Variants in CRACD observed in about 807,000 individuals in gnomAD.
The protein encoded by CRACD is capping protein-inhibiting regulator of actin dynamics.
A neutral mutation model predicts 106.8 loss-of-function variants in CRACD; 56 were observed. The ratio of observed to expected loss-of-function variants is 0.52; its 90% confidence interval spans 0.42 to 0.66. The LOEUF is 0.66. CRACD is among the 30% of genes least tolerant of loss of function. CRACD has a pLI of 0.00. For synonymous variants in CRACD, 754 were observed against 670.8 expected, an observed-to-expected ratio of 1.12 and a Z score of -1.92; for missense variants, 1,730 against 1,623.2, an observed-to-expected ratio of 1.07 and a Z score of -1.13.
rs192610979 is a variant in CRACD at position 56,226,430 on chromosome 4, G to A, written c.-188-45891G>A. 1.6e-3 allele frequency among the ~76,000 whole-genome samples: 238 copies of A among 152,212 alleles called. 6 individuals are homozygous for A. The highest frequency in any genetic ancestry group is 0.012 in the Admixed American group (179 of 15,276). On this transcript the variant is annotated intron_variant, in intron 2 of 10. Coordinates refer to ENST00000682029, the MANE Select transcript of CRACD (RefSeq NM_001393381.1). ...AAGAACTATGAAGTGAGTTTTCTTG[G>A]CCCTTTTGCGTTGGCTCAATTAACC... is the stretch of plus-strand genomic sequence containing the variant.
intron 1 of CRACD, among the ~76,000 whole-genome samples, chr4:56,053,804 A>G (rs1176478570): frequency 2.8e-4 from 43 of 151,498 alleles, no homozygotes; most frequent in Admixed American, 2.8e-3. Flanking sequence ...TATGTTAGAC[A>G]AAGAACAGTA....
chr4:56,298,484 T>G, intron 4 of CRACD, 135 bp downstream of exon 4: 1 of 1,051,452 alleles, frequency 9.5e-7, no homozygotes, highest in Non-Finnish European at 1.4e-6. Flanking sequence ...AATTATTGCT[T>G]TCTTGAATTC....
intron 3 of CRACD, among the ~76,000 whole-genome samples, chr4:56,274,261 G>A (rs920307526): frequency 1.3e-5 from 2 of 152,188 alleles, no homozygotes; most frequent in Non-Finnish European, 2.9e-5. Flanking sequence ...AAATAAGAGC[G>A]TGAACTTTTT....
intron 2 of CRACD, among the ~76,000 whole-genome samples, chr4:56,225,729 A>G (rs1739265982): frequency 6.6e-6 from 1 of 152,228 alleles, no homozygotes; most frequent in Admixed American, 6.5e-5. Context: ...TGTGAAAGTG[A>G]GACAGGAATG....
chr4:56,212,744 C>T (rs539097182), intron 2 of CRACD, among the ~76,000 whole-genome samples: 1 of 152,282 alleles, frequency 6.6e-6, no homozygotes, highest in Admixed American at 6.5e-5. Flanking sequence ...ACAAAAATAC[C>T]TGCAGATTTC....
intron 1 of CRACD, among the ~76,000 whole-genome samples, chr4:56,084,605 C>T (rs890740213): frequency 2.5e-4 from 38 of 152,256 alleles, no homozygotes; most frequent in African/African-American, 8.9e-4. Context: ...CAAGACAGAA[C>T]AAGGCCGTGG....
chr4:56,176,823 G>A (rs1736603901), intron 1 of CRACD, among the ~76,000 whole-genome samples: 3 of 152,014 alleles, frequency 2.0e-5, no homozygotes, highest in Admixed American at 6.6e-5. Flanking sequence ...CTTTTTGTAG[G>A]TTTTGTAAAT....
intron 1 of CRACD, among the ~76,000 whole-genome samples, chr4:56,119,329 C>CT (rs11295008): frequency 5.0e-4 from 74 of 146,734 alleles, no homozygotes; most frequent in African/African-American, 1.2e-3. Context: ...TATTCTCAGT[C>CT]TTTTTTTTTT....
At chr4:56,292,692 T>C (rs1743769903) in intron 3 of CRACD, among the ~76,000 whole-genome samples, 2 of 152,162 alleles carry the variant, frequency 1.3e-5, no homozygotes, top group Non-Finnish European at 2.9e-5. Flanking sequence ...GCCCAGCTAA[T>C]TTTTTGTATT....
intron 3 of CRACD, among the ~76,000 whole-genome samples, chr4:56,293,557 T>G (rs1560521960): frequency 6.6e-6 from 1 of 152,218 alleles, no homozygotes. Flanking sequence ...TGATCCTGCA[T>G]GCTGTACAGG....
intron 1 of CRACD, among the ~76,000 whole-genome samples, chr4:56,123,223 GAGTGGATT>G (rs1280272796): frequency 6.6e-6 from 1 of 152,214 alleles, no homozygotes; most frequent in Non-Finnish European, 1.5e-5. Flanking sequence ...TCTGCTGAGG[GAGTGGATT>G]AGTTGGCTTA....
intron 1 of CRACD, among the ~76,000 whole-genome samples, chr4:56,145,598 A>G (rs1349696807): frequency 6.6e-6 from 1 of 151,702 alleles, no homozygotes. Context: ...TTTTATTTTC[A>G]TATATTATTT....
chr4:56,083,992 G>A (rs1733128489), intron 1 of CRACD, among the ~76,000 whole-genome samples: 4 of 152,046 alleles, frequency 2.6e-5, no homozygotes, highest in Admixed American at 2.6e-4. Context: ...ATATATGTAT[G>A]TATTTACTAG....
At chr4:56,214,673 C>CTATATA (rs1259862155) in intron 2 of CRACD, among the ~76,000 whole-genome samples, 7 of 73,000 alleles carry the variant, frequency 9.6e-5, no homozygotes, top group African/African-American at 3.4e-4. Context: ...CTCTCTCTCT[C>CTATATA]TCTCTCTCTA....
At chr4:56,126,596 A>T (rs937219657) in intron 1 of CRACD, among the ~76,000 whole-genome samples, 1 of 152,162 alleles carries the variant, frequency 6.6e-6, no homozygotes, top group Non-Finnish European at 1.5e-5. Context: ...ATATCTTTGT[A>T]CTTTGAAATT....
intron 1 of CRACD, among the ~76,000 whole-genome samples, chr4:56,156,621 T>C (rs1735771650): frequency 6.6e-6 from 1 of 152,214 alleles, no homozygotes; most frequent in African/African-American, 2.4e-5. Flanking sequence ...AGCCTTTCTG[T>C]CCTCCTCTCT....
intron 1 of CRACD, among the ~76,000 whole-genome samples, chr4:56,130,752 T>A (rs1258164264): frequency 6.6e-6 from 1 of 152,168 alleles, no homozygotes; most frequent in Non-Finnish European, 1.5e-5. Context: ...CAAAATTGGC[T>A]TTCTGCCAAC....
At chr4:56,138,514 G>C (rs983597131) in intron 1 of CRACD, among the ~76,000 whole-genome samples, 14 of 152,022 alleles carry the variant, frequency 9.2e-5, no homozygotes, top group African/African-American at 2.4e-4. Flanking sequence ...CACAGCAGCA[G>C]AAAGAGACCA....
intron 8 of CRACD, among the ~76,000 whole-genome samples, chr4:56,322,542 C>T (rs956406199): frequency 1.3e-5 from 2 of 152,206 alleles, no homozygotes; most frequent in Non-Finnish European, 2.9e-5. Context: ...GGGCATGGCA[C>T]TTGGTGGCTG....
Sources: allele counts gnomAD v4.1 joint callset (sites outside exome capture counted in the v4.1 genomes callset), GRCh38; gene constraint gnomAD v4.1.1; transcripts MANE v1.5; gene names NCBI Gene and HGNC (gene_info 2026-07-23, HGNC 2026-07-21).